Variants in GEM observed in about 807,000 individuals in gnomAD.
The protein encoded by GEM is GTP-binding protein GEM.
GEM carries 31 observed loss-of-function variants against 33.0 expected under a neutral mutation model. The observed-to-expected ratio is 0.94, with a 90% CI of 0.71 to 1.27. The LOEUF is 1.27. Ranked by LOEUF, GEM falls within the 50% of genes most tolerant of loss-of-function variation. GEM has a pLI of 0.00. For synonymous variants in GEM, 141 were observed against 143.7 expected (o/e 0.98, Z 0.13); for missense variants, 354 against 390.5 (o/e 0.91, Z 0.79).
chr8:94,260,067 C>G, intron 2 of GEM, 106 bp downstream of exon 2: 1 of 715,432 alleles, frequency 1.4e-6, no homozygotes, highest in Non-Finnish European at 2.4e-6. Context: ...GTCCAAAATG[C>G]CTAACTTCAG....
At chr8:94,251,687 C>T (rs1328144885) in intron 4 of GEM, among the ~76,000 whole-genome samples, 1 of 152,206 alleles carries the variant, frequency 6.6e-6, no homozygotes. Flanking sequence ...CTCAATGAAA[C>T]TCTTTCTCAC....
At chr8:94,261,552 G>A (rs1809023362) in intron 1 of GEM, among the ~76,000 whole-genome samples, 1 of 152,034 alleles carries the variant, frequency 6.6e-6, no homozygotes, top group Admixed American at 6.6e-5. Context: ...GGTAGAGACA[G>A]TGGCCTCACT....
chr8:94,252,479 T>A (rs953475902), intron 3 of GEM, among the ~76,000 whole-genome samples: 1 of 152,226 alleles, frequency 6.6e-6, no homozygotes, highest in Admixed American at 6.5e-5. Context: ...TACAGCTTGA[T>A]TTGATAAATT....
intron 3 of GEM, 97 bp from the exon 4 acceptor site, chr8:94,252,320 G>A: frequency 1.2e-6 from 1 of 820,134 alleles, no homozygotes; most frequent in Non-Finnish European, 2.0e-6. Flanking sequence ...AAGTACACTT[G>A]CTGATAGGAA....
chr8:94,255,219 GA>G (rs1430096825), intron 2 of GEM, among the ~76,000 whole-genome samples: 1 of 152,142 alleles, frequency 6.6e-6, no homozygotes, highest in Non-Finnish European at 1.5e-5. Context: ...ATCGCTGACG[GA>G]AAAGGAAAAC....
At position 94,249,538 on chromosome 8, in the gene GEM, G is replaced by T. The variant is rs997314302; in HGVS notation, c.*772C>A. Reference sequence around the variant, plus strand: ...TTAAAAATTGACATTTTGCACTACAGGGTATCAATAATTCTGATTTTAAAA... The same window carrying T: ...TTAAAAATTGACATTTTGCACTACATGGTATCAATAATTCTGATTTTAAAA... On this transcript the variant is annotated 3_prime_UTR_variant, in exon 5 of 5. Transcript: ENST00000297596. The T allele has an allele frequency of 6.6e-6, 1 of 152,146 alleles. No homozygotes were observed. The highest frequency in any genetic ancestry group is 1.5e-5 in the Non-Finnish European group (1 of 68,026). The allele number at this position is 152,146 out of a possible 1,614,324, so 9.4% of individuals were successfully genotyped here.
At chr8:94,253,186 A>C in intron 2 of GEM, 74 bp from the exon 3 acceptor site, 4 of 804,568 alleles carry the variant, frequency 5.0e-6, no homozygotes, top group Non-Finnish European at 8.8e-6. Flanking sequence ...TCAGGTAGAA[A>C]ATTGTGCTAG....
At chr8:94,256,704 G>A (rs181765042) in intron 2 of GEM, among the ~76,000 whole-genome samples, 195 of 152,254 alleles carry the variant, frequency 1.3e-3, no homozygotes, top group African/African-American at 4.1e-3. Flanking sequence ...ACAGCTCCAC[G>A]GGCCCCAGCC....
At chr8:94,250,651 G>C in intron 4 of GEM, 64 bp from the exon 5 acceptor site, 1 of 1,387,056 alleles carries the variant, frequency 7.2e-7, no homozygotes, top group Non-Finnish European at 9.9e-7. Context: ...ACACAGTCAA[G>C]CTGGATGGTT....
chr8:94,256,017 G>A (rs758290038), intron 2 of GEM, among the ~76,000 whole-genome samples: 5 of 152,104 alleles, frequency 3.3e-5, no homozygotes, highest in African/African-American at 9.7e-5. Context: ...CTGGGCTTCC[G>A]TTTCCATCCT....
intron 2 of GEM, among the ~76,000 whole-genome samples, chr8:94,257,701 C>A (rs893664936): frequency 6.6e-6 from 1 of 152,172 alleles, no homozygotes; most frequent in African/African-American, 2.4e-5. Flanking sequence ...CTGTGCTATA[C>A]ATTCAGTAAC....
intron 2 of GEM, among the ~76,000 whole-genome samples, chr8:94,258,674 T>C (rs1488798268): frequency 6.6e-6 from 1 of 152,236 alleles, no homozygotes; most frequent in Non-Finnish European, 1.5e-5. Context: ...CAAATAGGTA[T>C]ATTAATGCCA....
Position 94,258,289 on chromosome 8 carries a change from A to T in GEM, c.331+1884T>A, listed in dbSNP as rs77417778. On this transcript the variant is annotated intron_variant, in intron 2 of 4. Transcript: ENST00000297596. ...TTTTCAATTCTTCCCTCTTAAAAAC[A>T]AAAAACAACTCCCAGTCCATCTCTT... Among the ~76,000 whole-genome samples, 20 of 152,352 alleles carry T rather than the reference A, an allele frequency of 1.3e-4. No homozygotes were observed. The East Asian group carries it at 3.9e-3, about 29-fold the overall frequency.
chr8:94,260,591 G>T, intron 1 of GEM, 79 bp from the exon 2 acceptor site: 1 of 759,176 alleles, frequency 1.3e-6, no homozygotes, highest in African/African-American at 1.7e-5. Context: ...TCAGTCATCA[G>T]TAATATTTTA....
chr8:94,253,402 CA>C (rs1808821272), intron 2 of GEM, among the ~76,000 whole-genome samples: 1 of 152,180 alleles, frequency 6.6e-6, no homozygotes, highest in South Asian at 2.1e-4. Context: ...TTTTGTATGG[CA>C]AAATCATTTG....
chr8:94,260,905 A>G (rs756729532), intron 1 of GEM: 38 of 130,444 alleles, frequency 2.9e-4, no homozygotes, highest in Non-Finnish European at 6.3e-4. Flanking sequence ...CAACAAGTTA[A>G]TGTTGCTGGG....
chr8:94,260,357 G>A lies in GEM; in HGVS notation c.147C>T (p.Thr49=), dbSNP rs763022208. ...QYSHRNRHSA[T]PEDHCRRSWS... ...AGCTTCGGCGGCAGTGGTCCTCAGG[G>A]GTAGCAGAATGGCGGTTGCGGTGGC... Residue 49 remains threonine, a synonymous_variant, in exon 2 of 5, where the codon ACC becomes ACT. Transcript: ENST00000297596. 1 of 1,614,216 alleles carries A rather than the reference G, an allele frequency of 6.2e-7. No homozygotes were observed. Among genetic ancestry groups the A allele is most frequent in the East Asian group, 2.2e-5 (1 of 44,876 alleles).
At position 94,250,205 on chromosome 8, in the gene GEM, TG is replaced by T. The variant is rs1194488575; in HGVS notation, c.*104del. 9.8e-6 allele frequency: 9 copies of T among 922,350 alleles called. No homozygotes were observed. In the Admixed American group the frequency reaches 2.0e-4, roughly 21 times the overall value. 57.1% of individuals were successfully genotyped at this position (922,350 alleles called of 1,614,324 possible). ...CTAATACGCTAGCTCCCTGCTACAA[TG>T]GGGGAAACCACATCTAACTTAAGTA... On this transcript the variant is annotated 3_prime_UTR_variant, in exon 5 of 5. Coordinates refer to ENST00000297596, the MANE Select transcript of GEM (RefSeq NM_005261.4).
Position 94,250,499 on chromosome 8 carries a change from G to C in GEM, c.702C>G (p.Gly234=), listed in dbSNP as rs776610861. The C allele has an allele frequency of 4.3e-6, 7 of 1,614,134 alleles. No individual in the cohort carries two copies. The South Asian group carries it at 7.7e-5, about 18-fold the overall frequency. ...VQHNVKELFE[G]IVRQVRLRRD... is the part of the protein sequence containing the mutation. ...GCCGAAGGCGCACCTGTCGCACAATGCCCTCAAACAGCTCCTTCACGTTGT... is the reference window on the plus strand; with the variant it reads ...GCCGAAGGCGCACCTGTCGCACAATCCCCTCAAACAGCTCCTTCACGTTGT... Residue 234 remains glycine (G), a synonymous_variant, in exon 5 of 5, where the codon GGC becomes GGG. Coordinates refer to ENST00000297596, the MANE Select transcript of GEM (RefSeq NM_005261.4).
Sources: gnomAD v4.1 joint callset for allele counts (sites outside exome capture counted in the v4.1 genomes callset) on GRCh38, gnomAD v4.1.1 for gene constraint, MANE v1.5 for transcripts, NCBI Gene and HGNC (gene_info 2026-07-23, HGNC 2026-07-21) for gene names.